Variants in LYST observed in about 807,000 individuals in gnomAD.
LYST encodes lysosomal-trafficking regulator.
A neutral mutation model predicts 413.6 loss-of-function variants in LYST; 192 were observed. That is an observed-to-expected ratio of 0.46 (90% CI 0.41 to 0.52). The LOEUF (loss-of-function observed/expected upper bound fraction) is 0.52. LYST is among the 20% of genes least tolerant of loss of function. The pLI, the probability that LYST is intolerant of heterozygous loss-of-function variation, is 0.00. For synonymous variants in LYST, 1,525 were observed against 1,567.3 expected (o/e 0.97, Z 0.64); for missense variants, 3,815 against 4,499.9 (o/e 0.85, Z 4.35).
intron 42 of LYST, among the ~76,000 whole-genome samples, chr1:235,714,953 A>T (rs1662707751): frequency 2.0e-5 from 3 of 152,238 alleles, no homozygotes; most frequent in African/African-American, 7.2e-5. Flanking sequence ...CTTAATTTTT[A>T]AAAAGTGAAT....
At chr1:235,731,556 A>AT (rs61633038) in intron 34 of LYST, among the ~76,000 whole-genome samples, 14,064 of 121,446 alleles carry the variant, frequency 0.12, 1,027 homozygotes, top group Middle Eastern at 0.16. Context: ...CCCATTTTGC[A>AT]TTTTTTTTTT....
intron 3 of LYST, among the ~76,000 whole-genome samples, chr1:235,826,754 C>A (rs1365592433): frequency 2.6e-5 from 4 of 152,186 alleles, no homozygotes; most frequent in Admixed American, 6.5e-5. Context: ...GACCATGGCT[C>A]ACTGCAGCCT....
intron 44 of LYST, among the ~76,000 whole-genome samples, chr1:235,707,224 G>A (rs2103113228): frequency 6.6e-6 from 1 of 152,186 alleles, no homozygotes; most frequent in Admixed American, 6.5e-5. Flanking sequence ...CACCCTATTT[G>A]AGTCTTATTT....
At chr1:235,670,790 G>C (rs1407860336) in intron 50 of LYST, among the ~76,000 whole-genome samples, 2 of 152,200 alleles carry the variant, frequency 1.3e-5, no homozygotes, top group Non-Finnish European at 2.9e-5. Flanking sequence ...ACCTCCAGTG[G>C]GGAGGGGGGT....
chr1:235,794,439 A>C (rs1671346258), intron 10 of LYST, among the ~76,000 whole-genome samples: 1 of 152,218 alleles, frequency 6.6e-6, no homozygotes, highest in Non-Finnish European at 1.5e-5. Flanking sequence ...AAATTCATAG[A>C]ATTCTTTGGA....
chr1:235,866,317 C>T (rs931368214), intron 1 of LYST, among the ~76,000 whole-genome samples: 7 of 152,196 alleles, frequency 4.6e-5, no homozygotes, highest in African/African-American at 1.7e-4. Flanking sequence ...GACCGAGGCG[C>T]ACGGTGTAGG....
chr1:235,678,415 C>A (rs1260272273), intron 48 of LYST, among the ~76,000 whole-genome samples: 1 of 152,144 alleles, frequency 6.6e-6, no homozygotes, highest in Non-Finnish European at 1.5e-5. Context: ...CCTAATGCTA[C>A]CGATACTCAG....
At chr1:235,694,935 G>T (rs1660963548) in intron 46 of LYST, among the ~76,000 whole-genome samples, 1 of 151,978 alleles carries the variant, frequency 6.6e-6, no homozygotes, top group Non-Finnish European at 1.5e-5. Flanking sequence ...TTGATTTTCA[G>T]CATGTATAAG....
Position 235,810,303 on chromosome 1 carries a change from G to A in LYST, c.515C>T (p.Ser172Leu). Residue 172 changes from serine (S) to leucine (L), a missense_variant, in exon 5 of 53, where the codon TCA becomes TTA. Transcript: ENST00000389793. Reference sequence around the variant, plus strand: ...ATTCATTGCTATGCCTTTTTCATCTGAATTGGCTTCTGAATCTGAGGTGGA... The same window carrying A: ...ATTCATTGCTATGCCTTTTTCATCTAAATTGGCTTCTGAATCTGAGGTGGA... The part of the protein sequence containing the change: ...QLSTSDSEAN[S>L]DEKGIAMNKH... 1 of 1,614,062 alleles carries A rather than the reference G, an allele frequency of 6.2e-7. No homozygotes were observed.
chr1:235,664,601 T>G lies in LYST; in HGVS notation c.11059A>C (p.Arg3687=), dbSNP rs890882243. Reference sequence around the variant, plus strand: ...AGATCCCCGTTCACCGTCCAGAGTCTGAGGTCACTGCCTCCGCCAGCTAAA... The same window carrying G: ...AGATCCCCGTTCACCGTCCAGAGTCGGAGGTCACTGCCTCCGCCAGCTAAA... ...CDSAGGGSDL[R]LWTVNGDLVG... is the part of the protein sequence containing the mutation. Residue 3687 remains arginine, a synonymous_variant, in exon 51 of 53, where the codon AGA becomes CGA. Transcript: ENST00000389793. The surrounding 1 kb of genome is among the most constrained non-coding windows in gnomAD (Gnocchi z 4.5). 27 of 1,614,200 alleles carry G rather than the reference T, an allele frequency of 1.7e-5. No individual in the cohort carries two copies. Among genetic ancestry groups the G allele is most frequent in the Non-Finnish European group, 2.3e-5 (27 of 1,180,040 alleles).
chr1:235,770,452 C>G (rs149309260), intron 19 of LYST, among the ~76,000 whole-genome samples, 155 bp from the exon 20 acceptor site: 6 of 152,026 alleles, frequency 3.9e-5, no homozygotes, highest in Admixed American at 6.6e-5. Context: ...AAATTTATTC[C>G]CTATTATTTT....
intron 19 of LYST, among the ~76,000 whole-genome samples, chr1:235,771,184 G>C (rs555766572): frequency 1.3e-5 from 2 of 151,930 alleles, no homozygotes; most frequent in Non-Finnish European, 2.9e-5. Context: ...CAGCAGACAA[G>C]GCAGCCAAAG....
At chr1:235,743,764 G>C (rs1055336845) in intron 30 of LYST, among the ~76,000 whole-genome samples, 1 of 152,064 alleles carries the variant, frequency 6.6e-6, no homozygotes, top group African/African-American at 2.4e-5. Context: ...AGGGTTACAG[G>C]CTTAAAAAGC....
rs1287181963 is a variant in LYST at position 235,774,962 on chromosome 1, T to C, written c.5585A>G (p.His1862Arg). The change falls in exon 18 of 53, where the codon CAT (histidine) becomes CGT (arginine). Residue 1862 changes from histidine (H) to arginine (R), a missense_variant. Coordinates refer to ENST00000389793, the MANE Select transcript of LYST (RefSeq NM_000081.4). ...GCATTTTTGTTTGATCAACACCTGA[T>C]GAATCATAGAAAGTCCATTACAATT... ...LENCNGLSMI[H>R]QVLIKQKCIV... is the part of the protein sequence containing the mutation. 6.2e-7 allele frequency: 1 copy of C among 1,610,910 alleles called. No individual in the cohort carries two copies. The highest frequency in any genetic ancestry group is 1.7e-5 in the Admixed American group (1 of 59,964).
intron 9 of LYST, 147 bp downstream of exon 9, chr1:235,800,724 C>T (rs1672121019): frequency 1.6e-6 from 1 of 632,298 alleles, no homozygotes; most frequent in Admixed American, 2.9e-5. Flanking sequence ...TTTTGGAATA[C>T]CACTTGTAGG....
chr1:235,687,200 CAG>C (rs1660287340), intron 47 of LYST, among the ~76,000 whole-genome samples, 153 bp from the exon 48 acceptor site: 1 of 152,058 alleles, frequency 6.6e-6, no homozygotes, highest in South Asian at 2.1e-4. Flanking sequence ...TTTCTTGAAA[CAG>C]AAACGTGTCA....
At chr1:235,818,107 ATTTCATGATTAT>A (rs996631075) in intron 3 of LYST, among the ~76,000 whole-genome samples, 1 of 152,260 alleles carries the variant, frequency 6.6e-6, no homozygotes, top group African/African-American at 2.4e-5. Flanking sequence ...AACTTTAATC[ATTTCATGATTAT>A]TTTCATGATT....
rs1678901995 is a variant in LYST at position 235,854,197 on chromosome 1, AAGTAG to A, written c.-98+12641_-98+12645del. On this transcript the variant is annotated intron_variant, in intron 1 of 52. Transcript: ENST00000389793. The surrounding 1 kb of genome is among the most constrained non-coding windows in gnomAD (Gnocchi z 4.1). ...AGGCACTATTGTAAGCACTCTAGGT[AAGTAG>A]AGTAGTTAGTTTAATCCTCCTAACA... is the stretch of plus-strand genomic sequence containing the variant. Among the ~76,000 whole-genome samples the A allele has an allele frequency of 6.6e-6, 1 of 152,202 alleles. No individual in the cohort carries two copies. Among genetic ancestry groups the A allele is most frequent in the Non-Finnish European group, 1.5e-5 (1 of 68,032 alleles).
intron 38 of LYST, 87 bp from the exon 39 acceptor site, chr1:235,724,267 A>G: frequency 8.1e-7 from 1 of 1,239,326 alleles, no homozygotes; most frequent in Non-Finnish European, 1.1e-6. Context: ...GCATCAAAAT[A>G]AAACAGAAAA....
Sources: gnomAD v4.1 joint callset for allele counts (sites outside exome capture counted in the v4.1 genomes callset) on GRCh38, gnomAD v4.1.1 for gene constraint, Gnocchi (gnomAD v3.1) non-coding constraint, MANE v1.5 for transcripts, NCBI Gene and HGNC (gene_info 2026-07-23, HGNC 2026-07-21) for gene names.